The following ABHD3 variants were observed in gnomAD, a reference collection of about 807,000 sequenced individuals.
ABHD3 encodes abhydrolase domain containing 3, phospholipase, also known as phospholipase ABHD3.
ABHD3 carries 46 observed loss-of-function variants against 48.8 expected under a neutral mutation model. The ratio of observed to expected loss-of-function variants is 0.94; its 90% CI spans 0.74 to 1.20. The LOEUF (loss-of-function observed/expected upper bound fraction) is 1.20. Ranked by LOEUF, ABHD3 falls within the 50% of genes most tolerant of loss-of-function variation. The probability of loss-of-function intolerance (pLI) is 0.00; values close to 1 mark genes in which losing one functional copy is unlikely to be tolerated. For missense variants in ABHD3, 490 were observed against 497.8 expected (o/e 0.98, Z 0.15); for synonymous variants, 192 against 183.7 (o/e 1.04, Z -0.36).
chr18:21,667,432 T>C (rs1332060142), intron 4 of ABHD3, among the ~76,000 whole-genome samples: 1 of 151,516 alleles, frequency 6.6e-6, no homozygotes, highest in Admixed American at 6.6e-5. Context: ...TTAGTAGAGA[T>C]GGGGTTTCTC....
chr18:21,696,309 A>T (rs1033743923), intron 3 of ABHD3, among the ~76,000 whole-genome samples: 1 of 152,044 alleles, frequency 6.6e-6, no homozygotes, highest in East Asian at 1.9e-4. Context: ...ACGCCCGGCT[A>T]GTTTTTTTAA....
chr18:21,656,905 A>G lies in ABHD3; in HGVS notation c.1013T>C (p.Val338Ala). The change falls in exon 8 of 9, where the codon GTA becomes GCA. Residue 338 changes from valine (V) to alanine (A), a missense_variant. By Grantham distance (64) the Val-to-Ala change is moderately conservative. Transcript: ENST00000289119. ...SPRLKSVGIP[V>A]LCLNSVDDVF... ...ATCATCCACAGAATTTAGACACAAT[A>G]CTGGAATTCCTACTGACTTCAGTCT... The G allele has an allele frequency of 6.2e-7, 1 of 1,613,290 alleles. No homozygotes were observed. The highest frequency in any genetic ancestry group is 8.5e-7 in the Non-Finnish European group (1 of 1,179,410).
intron 2 of ABHD3, 88 bp downstream of exon 2, chr18:21,703,496 T>C: frequency 1.3e-6 from 2 of 1,483,470 alleles, no homozygotes; most frequent in Non-Finnish European, 1.9e-6. Context: ...TAAAGCAGAT[T>C]CTATTAACCA....
intron 4 of ABHD3, chr18:21,683,458 C>T: frequency 2.4e-6 from 1 of 421,838 alleles, no homozygotes; most frequent in Non-Finnish European, 4.9e-6. Flanking sequence ...GAAAAAAAAT[C>T]ACTGTATTAG....
intron 5 of ABHD3, among the ~76,000 whole-genome samples, chr18:21,659,671 TTGTG>T (rs909024747): frequency 6.0e-5 from 9 of 151,104 alleles, no homozygotes; most frequent in Non-Finnish European, 4.4e-5. Flanking sequence ...TTTTTTTTTT[TTGTG>T]TGTGTGTGTT....
chr18:21,652,603 C>T (rs1001260584), intron 8 of ABHD3, among the ~76,000 whole-genome samples: 2 of 151,696 alleles, frequency 1.3e-5, no homozygotes. Context: ...GGTGAAACCA[C>T]GTCTCTACTA....
chr18:21,700,047 T>A (rs1222100407), intron 3 of ABHD3, among the ~76,000 whole-genome samples: 2 of 152,166 alleles, frequency 1.3e-5, no homozygotes, highest in Non-Finnish European at 2.9e-5. Flanking sequence ...CTTATAAGAC[T>A]CAGTCCTTGA....
chr18:21,683,370 C>T (rs2040051172), intron 4 of ABHD3: 1 of 251,992 alleles, frequency 4.0e-6, no homozygotes, highest in Non-Finnish European at 8.6e-6. Flanking sequence ...AATAACATTC[C>T]CACCATGTAA....
At chr18:21,679,559 C>T (rs768402954) in intron 4 of ABHD3, among the ~76,000 whole-genome samples, 1 of 152,170 alleles carries the variant, frequency 6.6e-6, no homozygotes, top group Non-Finnish European at 1.5e-5. Flanking sequence ...GACGGAGTCT[C>T]GCTCTGTCGC....
Position 21,651,549 on chromosome 18 carries a change from C to T in ABHD3, c.*42G>A. 6.2e-7 allele frequency: 1 copy of T among 1,610,336 alleles called. No homozygotes were observed. Among genetic ancestry groups the T allele is most frequent in the African/African-American group, 1.3e-5 (1 of 74,898 alleles). ...TTTGTGCACTAAGCTGAGCTGCCTT[C>T]ACAATTGTGGTTCAGACAAAATGCA... is the stretch of plus-strand genomic sequence containing the variant. On this transcript the variant is annotated 3_prime_UTR_variant, in exon 9 of 9. Coordinates refer to ENST00000289119, the MANE Select transcript of ABHD3 (RefSeq NM_138340.5).
Position 21,664,221 on chromosome 18 carries a change from T to C in ABHD3, c.565A>G (p.Thr189Ala). The change falls in exon 5 of 9, where the codon ACT becomes GCT. Residue 189 changes from threonine to alanine, a missense_variant. By Grantham distance (58) the Thr-to-Ala change is moderately conservative. Coordinates refer to ENST00000289119, the MANE Select transcript of ABHD3 (RefSeq NM_138340.5). ...VAGENLLTPR[T>A]YCCANTEDLE... ...TCTTCAGTGTTAGCACAACAATAAG[T>C]CCTTGGCGTCTGGAAGTAGTGACAA... is the stretch of plus-strand genomic sequence containing the variant. 2 of 1,612,916 alleles carry C rather than the reference T, an allele frequency of 1.2e-6. No homozygotes were observed. The highest frequency in any genetic ancestry group is 8.5e-7 in the Non-Finnish European group (1 of 1,179,700).
intron 5 of ABHD3, chr18:21,663,862 T>C (rs2039559466): frequency 1.6e-5 from 24 of 1,492,852 alleles, no homozygotes; most frequent in East Asian, 7.4e-5. Context: ...ATCGACTTCA[T>C]GGGCTTCAGA....
At chr18:21,687,124 GT>G (rs1425843498) in intron 3 of ABHD3, among the ~76,000 whole-genome samples, 1 of 151,904 alleles carries the variant, frequency 6.6e-6, no homozygotes, top group Non-Finnish European at 1.5e-5. Flanking sequence ...GCCCAGGCTG[GT>G]CTTGAGCTTG....
intron 3 of ABHD3, among the ~76,000 whole-genome samples, chr18:21,693,649 T>A (rs944420302): frequency 5.9e-5 from 9 of 152,176 alleles, no homozygotes; most frequent in Admixed American, 3.3e-4. Flanking sequence ...CCACCATAAC[T>A]TTTTCTGGAA....
intron 3 of ABHD3, among the ~76,000 whole-genome samples, chr18:21,693,907 C>T (rs1490373526): frequency 1.3e-5 from 2 of 152,022 alleles, no homozygotes; most frequent in Admixed American, 1.3e-4. Flanking sequence ...GTTTTGCTGT[C>T]TCGTTTTCCT....
intron 4 of ABHD3, among the ~76,000 whole-genome samples, chr18:21,668,200 CAAA>C (rs747590942): frequency 8.2e-5 from 5 of 61,328 alleles, no homozygotes; most frequent in South Asian, 1.4e-3. Context: ...GAATCTATCT[CAAA>C]AAAAAAAAAA....
rs1012525091 is a variant in ABHD3 at position 21,704,381 on chromosome 18, C to A, written c.162+123G>T. On this transcript the variant is annotated intron_variant, in intron 1 of 8. Coordinates refer to ENST00000289119, the MANE Select transcript of ABHD3 (RefSeq NM_138340.5). ...CCCGCGCGCGCTGGGGGCTGCCGCT[C>A]GGGAGCAGCTCGCCGCCTATCCCCG... 79 of 1,069,834 alleles carry A rather than the reference C, an allele frequency of 7.4e-5. No homozygotes were observed. The African/African-American group carries it at 1.1e-3, about 15-fold the overall frequency. 66.3% of individuals were successfully genotyped at this position (1,069,834 alleles called of 1,614,324 possible).
chr18:21,690,267 T>C (rs780298034), intron 3 of ABHD3, among the ~76,000 whole-genome samples: 1 of 151,636 alleles, frequency 6.6e-6, no homozygotes, highest in Non-Finnish European at 1.5e-5. Flanking sequence ...CCAAAAAAAG[T>C]AGAACCTCAG....
Position 21,683,951 on chromosome 18 carries a change from T to A in ABHD3, c.524A>T (p.Asn175Ile), listed in dbSNP as rs2040068352. Reference protein sequence around the residue: ...EELGYRCVVFNNRGVAGENLL... With the variant: ...EELGYRCVVFINRGVAGENLL... ...ATTCTCCCCCGCCACTCCTCTGTTG[T>A]TAAAAACCACACATCTAAAAACCAG... Residue 175 changes from asparagine to isoleucine, a missense_variant, in exon 4 of 9, where the codon AAC (asparagine) becomes ATC (isoleucine). Asn to Ile is a moderately radical substitution (Grantham distance 149). Coordinates refer to ENST00000289119, the MANE Select transcript of ABHD3 (RefSeq NM_138340.5). 1.9e-6 allele frequency: 3 copies of A among 1,601,320 alleles called. No homozygotes were observed. The highest frequency in any genetic ancestry group is 2.7e-5 in the African/African-American group (2 of 74,676).
Sources: gnomAD v4.1 joint callset for allele counts (sites outside exome capture counted in the v4.1 genomes callset) on GRCh38, gnomAD v4.1.1 for gene constraint, MANE v1.5 for transcripts, NCBI Gene and HGNC (gene_info 2026-07-23, HGNC 2026-07-21) for gene names.